Variants in ATP10B observed in about 807,000 individuals in gnomAD.
ATP10B encodes the protein phospholipid-transporting ATPase VB.
A neutral mutation model predicts 141.2 loss-of-function variants in ATP10B; 122 were observed. That is an observed-to-expected ratio of 0.86 (90% CI 0.75 to 1.00). ATP10B has a LOEUF of 1.00. Ranked by LOEUF, ATP10B falls within the 50% of genes least tolerant of loss-of-function variation. The pLI is 0.00. For synonymous variants in ATP10B, 685 were observed against 692.0 expected, an observed-to-expected ratio of 0.99 and a Z score of 0.16; for missense variants, 1,876 against 1,825.3, an observed-to-expected ratio of 1.03 and a Z score of -0.51.
At chr5:160,912,414 CA>C in the ATP10B span, among the ~76,000 whole-genome samples, 491 of 88,812 alleles carry the variant, frequency 5.5e-3, no homozygotes, top group East Asian at 0.019. Context: ...CTGTTTCTAC[CA>C]AAAAAAAAAA....
the ATP10B span, among the ~76,000 whole-genome samples, chr5:160,865,177 T>C: frequency 6.6e-6 from 1 of 152,158 alleles, no homozygotes; most frequent in African/African-American, 2.4e-5. Context: ...CAAATTGTAC[T>C]ATAAGGCTAT....
At chr5:160,817,162 G>A (rs1224576235) in intron 1 of ATP10B, among the ~76,000 whole-genome samples, 1 of 152,158 alleles carries the variant, frequency 6.6e-6, no homozygotes. Context: ...GGGCAATCAG[G>A]CAGGAGAAGG....
intron 13 of ATP10B, among the ~76,000 whole-genome samples, chr5:160,629,650 T>C (rs572462974): frequency 6.6e-6 from 1 of 152,342 alleles, no homozygotes; most frequent in Admixed American, 6.5e-5. Flanking sequence ...CATTTAAAAC[T>C]TCCATTAGGT....
chr5:160,703,357 T>C lies in ATP10B; in HGVS notation c.-205+13552A>G, dbSNP rs186357767. Among the ~76,000 whole-genome samples, 3 of 152,334 alleles carry C rather than the reference T, an allele frequency of 2.0e-5. No homozygotes were observed. In the East Asian group the frequency reaches 5.8e-4, roughly 29 times the overall value. On this transcript the variant is annotated intron_variant, in intron 3 of 25. Transcript: ENST00000327245. The stretch of plus-strand genomic sequence containing the variant: ...TAGTCTATTGTGTGCAATAGCATTA[T>C]GTCTAAAAAATACATAGCTTAATTA...
intron 1 of ATP10B, among the ~76,000 whole-genome samples, chr5:160,838,298 C>A (rs1342275608): frequency 6.6e-6 from 1 of 152,068 alleles, no homozygotes; most frequent in Admixed American, 6.6e-5. Flanking sequence ...GAAAACAGCC[C>A]ACCTACACCA....
the ATP10B span, among the ~76,000 whole-genome samples, chr5:160,882,012 TAAAG>T: frequency 6.6e-6 from 1 of 152,032 alleles, no homozygotes; most frequent in South Asian, 2.1e-4. Context: ...GAAGCCAATC[TAAAG>T]AGGCTACAAA....
chr5:160,648,234 G>A (rs1760437054), intron 8 of ATP10B, among the ~76,000 whole-genome samples: 1 of 152,230 alleles, frequency 6.6e-6, no homozygotes, highest in African/African-American at 2.4e-5. Flanking sequence ...TAGCAAGCTT[G>A]TCCAACCCAT....
intron 1 of ATP10B, among the ~76,000 whole-genome samples, chr5:160,810,584 G>C (rs575359609): frequency 1.6e-4 from 25 of 152,158 alleles, no homozygotes; most frequent in African/African-American, 5.5e-4. Flanking sequence ...CATCAAGCTT[G>C]CTAAATGTAT....
chr5:160,791,352 G>T (rs138246805), intron 1 of ATP10B, among the ~76,000 whole-genome samples: 108 of 152,246 alleles, frequency 7.1e-4, no homozygotes, highest in African/African-American at 2.4e-3. Flanking sequence ...CTATTCATTG[G>T]TAAGTGTGAT....
chr5:160,893,466 C>T, the ATP10B span, among the ~76,000 whole-genome samples: 1 of 152,194 alleles, frequency 6.6e-6, no homozygotes, highest in Non-Finnish European at 1.5e-5. Flanking sequence ...TGCAGCGATG[C>T]ATAGCCACTG....
chr5:160,827,036 C>T (rs1170658786), intron 1 of ATP10B, among the ~76,000 whole-genome samples: 2 of 152,174 alleles, frequency 1.3e-5, no homozygotes, highest in Admixed American at 1.3e-4. Flanking sequence ...GATCTTTGTT[C>T]TCCTTTTTGC....
chr5:160,748,926 C>G (rs550888364), intron 2 of ATP10B, among the ~76,000 whole-genome samples: 2 of 152,128 alleles, frequency 1.3e-5, no homozygotes, highest in Non-Finnish European at 2.9e-5. Flanking sequence ...CTGCACTTGG[C>G]CCCCCGTATA....
intron 2 of ATP10B, among the ~76,000 whole-genome samples, chr5:160,719,288 T>A (rs1765850903): frequency 6.6e-6 from 1 of 152,016 alleles, no homozygotes; most frequent in Non-Finnish European, 1.5e-5. Flanking sequence ...TAGTCCCAGC[T>A]ACTCGGGAGG....
At chr5:160,764,660 A>T (rs1004455337) in intron 2 of ATP10B, among the ~76,000 whole-genome samples, 1 of 152,196 alleles carries the variant, frequency 6.6e-6, no homozygotes, top group African/African-American at 2.4e-5. Context: ...GAACAAGACA[A>T]GAATACCCAC....
At chr5:160,741,882 A>G (rs2127808026) in intron 2 of ATP10B, among the ~76,000 whole-genome samples, 1 of 152,294 alleles carries the variant, frequency 6.6e-6, no homozygotes, top group Non-Finnish European at 1.5e-5. Context: ...AATAATCACT[A>G]TCTTCAGAAA....
the ATP10B span, among the ~76,000 whole-genome samples, chr5:160,903,235 C>A: frequency 6.6e-6 from 1 of 152,104 alleles, no homozygotes; most frequent in Admixed American, 6.6e-5. Flanking sequence ...GGAACCTGGT[C>A]TGCTGACTAG....
chr5:160,799,195 C>A (rs1164790223), intron 1 of ATP10B, among the ~76,000 whole-genome samples: 1 of 152,116 alleles, frequency 6.6e-6, no homozygotes, highest in Non-Finnish European at 1.5e-5. Context: ...CAGAACACTT[C>A]CCCACATCTT....
At chr5:160,591,935 G>T (rs909665012) in intron 22 of ATP10B, among the ~76,000 whole-genome samples, 1 of 152,104 alleles carries the variant, frequency 6.6e-6, no homozygotes, top group Non-Finnish European at 1.5e-5. Context: ...ATAAATAATT[G>T]CCAGATCTCA....
intron 23 of ATP10B, among the ~76,000 whole-genome samples, chr5:160,590,208 G>A (rs1019906243): frequency 1.3e-5 from 2 of 152,032 alleles, no homozygotes; most frequent in Admixed American, 6.6e-5. Flanking sequence ...GAACACAGAC[G>A]GTTTGTAGAA....
Sources: allele counts gnomAD v4.1 joint callset (sites outside exome capture counted in the v4.1 genomes callset), GRCh38; gene constraint gnomAD v4.1.1; transcripts MANE v1.5; gene names NCBI Gene and HGNC (gene_info 2026-07-23, HGNC 2026-07-21).